The following KMT2C variants were observed in gnomAD, a reference collection of about 807,000 sequenced individuals.
KMT2C encodes the protein histone-lysine N-methyltransferase 2C.
KMT2C carries 88 observed loss-of-function variants against 507.9 expected under a neutral mutation model. The ratio of observed to expected loss-of-function variants is 0.17; its 90% CI spans 0.15 to 0.21. The LOEUF is 0.21. KMT2C is among the 10% of genes least tolerant of loss of function. KMT2C has a pLI of 1.00. For synonymous variants in KMT2C, 2,049 were observed against 2,080.8 expected, an observed-to-expected ratio of 0.98 and a Z score of 0.42; for missense variants, 4,954 against 5,957.8, an observed-to-expected ratio of 0.83 and a Z score of 5.55.
chr7:152,153,884 C>T, intron 48 of KMT2C, 126 bp downstream of exon 48: 2 of 917,822 alleles, frequency 2.2e-6, no homozygotes, highest in Non-Finnish European at 3.3e-6. Context: ...CAGTGAGCAT[C>T]AGCTCTGCTC....
intron 1 of KMT2C, among the ~76,000 whole-genome samples, chr7:152,359,182 T>A (rs996132932): frequency 6.6e-6 from 1 of 151,400 alleles, no homozygotes; most frequent in Non-Finnish European, 1.5e-5. Flanking sequence ...ACGATTATAA[T>A]CATGTCCACC....
intron 9 of KMT2C, among the ~76,000 whole-genome samples, chr7:152,260,269 C>T (rs897368084): frequency 6.6e-6 from 1 of 152,104 alleles, no homozygotes; most frequent in African/African-American, 2.4e-5. Flanking sequence ...TTCTGTCACT[C>T]TCAAAAGAGA....
intron 1 of KMT2C, among the ~76,000 whole-genome samples, chr7:152,418,469 C>T (rs1214694641): frequency 6.6e-6 from 1 of 152,020 alleles, no homozygotes; most frequent in Non-Finnish European, 1.5e-5. Context: ...CTCGCTCTGT[C>T]GCCCAGGCTG....
At chr7:152,431,442 C>A (rs1472332747) in intron 1 of KMT2C, among the ~76,000 whole-genome samples, 1 of 151,776 alleles carries the variant, frequency 6.6e-6, no homozygotes, top group East Asian at 1.9e-4. Flanking sequence ...ACTAAAAATA[C>A]AAAAATTAGT....
At chr7:152,310,213 G>A (rs1445633204) in intron 5 of KMT2C, 138 bp from the exon 6 acceptor site, 1 of 609,330 alleles carries the variant, frequency 1.6e-6, no homozygotes, top group African/African-American at 1.9e-5. Context: ...TAGCAGTAAA[G>A]TGGCCCTTCT....
chr7:152,226,218 C>CATTTTT (rs1563479395), intron 18 of KMT2C, among the ~76,000 whole-genome samples: 4 of 128,002 alleles, frequency 3.1e-5, no homozygotes, highest in African/African-American at 1.3e-4. Context: ...CATTACAAGG[C>CATTTTT]CTTTTTTTTT....
chr7:152,200,023 T>G lies in KMT2C; in HGVS notation c.4093-564A>C, dbSNP rs2094084128. On this transcript the variant is annotated intron_variant, in intron 26 of 58. Coordinates refer to ENST00000262189, the MANE Select transcript of KMT2C (RefSeq NM_170606.3). ...ATTTCAATATACTTTCAAGCTGGGT[T>G]CCTTGCAACTCCAAGATCTCTCCAA... Among the ~76,000 whole-genome samples the G allele has an allele frequency of 2.0e-5, 3 of 152,220 alleles. No individual in the cohort carries two copies. The South Asian group carries it at 6.2e-4, about 31-fold the overall frequency.
At chr7:152,418,537 T>A (rs1427949007) in intron 1 of KMT2C, among the ~76,000 whole-genome samples, 3 of 151,964 alleles carry the variant, frequency 2.0e-5, no homozygotes, top group African/African-American at 7.2e-5. Context: ...TTCCAGCGAT[T>A]CTCCTGCCTC....
At chr7:152,334,175 G>T (rs992929129) in intron 2 of KMT2C, among the ~76,000 whole-genome samples, 1 of 152,192 alleles carries the variant, frequency 6.6e-6, no homozygotes, top group Non-Finnish European at 1.5e-5. Flanking sequence ...AGACAAAGGG[G>T]CCGGGTGCGG....
chr7:152,152,611 G>C (rs2129097226), intron 49 of KMT2C, 94 bp downstream of exon 49: 3 of 1,444,280 alleles, frequency 2.1e-6, no homozygotes, highest in Non-Finnish European at 2.9e-6. Context: ...CATGTTACCT[G>C]TCCGTTGTTA....
Position 152,311,950 on chromosome 7 carries a change from A to C in KMT2C, c.591-4T>G. On this transcript the variant is annotated splice_polypyrimidine_tract_variant and splice_region_variant and intron_variant, in intron 4 of 58. Transcript: ENST00000262189. ...ATTCTGCTGAGGAGATCGTTCTCTG[A>C]AAATAAAATAAAATAACTGTGAAAG... is the stretch of plus-strand genomic sequence containing the variant. The C allele has an allele frequency of 6.6e-7, 1 of 1,524,872 alleles. No homozygotes were observed. The allele number at this position is 1,524,872 out of a possible 1,614,324, so 94.5% of individuals were successfully genotyped here.
intron 18 of KMT2C, among the ~76,000 whole-genome samples, chr7:152,226,223 T>C (rs1214790156): frequency 7.6e-6 from 1 of 130,984 alleles, no homozygotes; most frequent in African/African-American, 3.1e-5. Flanking sequence ...CAAGGCCTTT[T>C]TTTTTTTTTT....
At chr7:152,232,556 T>C (rs1226709036) in intron 16 of KMT2C, among the ~76,000 whole-genome samples, 3 of 152,204 alleles carry the variant, frequency 2.0e-5, no homozygotes, top group Admixed American at 6.5e-5. Flanking sequence ...CAATTTCATA[T>C]GGATCAACCT....
chr7:152,333,873 CTTAAA>C (rs1348999758), intron 2 of KMT2C, among the ~76,000 whole-genome samples: 2 of 151,666 alleles, frequency 1.3e-5, no homozygotes, highest in South Asian at 2.1e-4. Context: ...AAAAGCTGAC[CTTAAA>C]TTAAGTGTTT....
At chr7:152,214,868 G>A (rs13438774) in intron 23 of KMT2C, among the ~76,000 whole-genome samples, 21,615 of 151,980 alleles carry the variant, frequency 0.14, 3,871 homozygotes, top group African/African-American at 0.42. Flanking sequence ...GGTAAGACGA[G>A]TAATTCTAGA....
chr7:152,138,527 C>A lies in KMT2C; in HGVS notation c.14643+269G>T. 1 of 332,634 alleles carries A rather than the reference C, an allele frequency of 3.0e-6. No individual in the cohort carries two copies. Among genetic ancestry groups the A allele is most frequent in the South Asian group, 4.0e-5 (1 of 24,722 alleles). The allele number at this position is 332,634 out of a possible 1,614,324, so 20.6% of individuals were successfully genotyped here. On this transcript the variant is annotated intron_variant, in intron 58 of 58. Transcript: ENST00000262189. This position sits in a 1 kb window ranked among gnomAD's most constrained non-coding sequence, Gnocchi z 4.2. ...ATCCTATGGCACACAGAAATGATAC[C>A]ACCTGGGTGCCATGGGGATGCTGAA...
Position 152,136,098 on chromosome 7 carries a change from C to G in KMT2C, c.*734G>C, listed in dbSNP as rs2089854927. On this transcript the variant is annotated 3_prime_UTR_variant, in exon 59 of 59. Coordinates refer to ENST00000262189, the MANE Select transcript of KMT2C (RefSeq NM_170606.3). ...TACAAAGTAACAGGGTTTGTTAGTT[C>G]TGCAGGTAACAGCAGCAGCTTGGCT... The G allele has an allele frequency of 4.6e-6, 1 of 216,018 alleles. No individual in the cohort carries two copies. Among genetic ancestry groups the G allele is most frequent in the Admixed American group, 5.8e-5 (1 of 17,222 alleles). The allele number at this position is 216,018 out of a possible 1,614,324, so 13.4% of individuals were successfully genotyped here.
intron 1 of KMT2C, among the ~76,000 whole-genome samples, chr7:152,372,309 C>T (rs900386230): frequency 2.6e-5 from 4 of 152,058 alleles, no homozygotes; most frequent in African/African-American, 9.7e-5. Context: ...GCGCCCACCA[C>T]CACACCCAGC....
chr7:152,141,313 G>C (rs2090508789), intron 55 of KMT2C, among the ~76,000 whole-genome samples: 1 of 152,046 alleles, frequency 6.6e-6, no homozygotes, highest in Non-Finnish European at 1.5e-5. Flanking sequence ...GACAGAGTGA[G>C]ACTCCATCTC....
Sources: gnomAD v4.1 joint callset for allele counts (sites outside exome capture counted in the v4.1 genomes callset) on GRCh38, gnomAD v4.1.1 for gene constraint, Gnocchi (gnomAD v3.1) non-coding constraint, MANE v1.5 for transcripts, NCBI Gene and HGNC (gene_info 2026-07-23, HGNC 2026-07-21) for gene names.